The following ARHGEF9 variants were observed in gnomAD, a reference collection of about 807,000 sequenced individuals.
The protein encoded by ARHGEF9 is Cdc42 guanine nucleotide exchange factor 9, also known as rho guanine nucleotide exchange factor 9.
A neutral mutation model predicts 41.3 loss-of-function variants in ARHGEF9; 2 were observed. The observed-to-expected ratio is 0.05, with a 90% CI of 0.02 to 0.15. The LOEUF is 0.15. Among genes scored for constraint, ARHGEF9 ranks in the 10% least tolerant of loss-of-function variants. The pLI is 1.00. For missense variants in ARHGEF9, 225 were observed against 424.7 expected (o/e 0.53, Z 4.13); for synonymous variants, 160 against 154.4 (o/e 1.04, Z -0.27).
chrX:63,705,763 C>T (rs1292559859), intron 3 of ARHGEF9, among the ~76,000 whole-genome samples: 1 of 111,529 alleles, frequency 9.0e-6, no homozygotes, highest in Admixed American at 9.5e-5. Flanking sequence ...CCTAAAAATG[C>T]TCATGCCTTA....
chrX:63,666,360 CATAT>C (rs1451544184), intron 6 of ARHGEF9, among the ~76,000 whole-genome samples: 2 of 103,463 alleles, frequency 1.9e-5, no homozygotes, highest in African/African-American at 7.1e-5. Context: ...TACATACACA[CATAT>C]ATATGTGTGT....
intron 1 of ARHGEF9, among the ~76,000 whole-genome samples, chrX:63,733,066 A>T (rs1394752385): frequency 8.9e-6 from 1 of 112,116 alleles, no homozygotes. Flanking sequence ...CCAGAGTGTT[A>T]TTCTTCAAAT....
At chrX:63,646,143 G>T (rs1266973706) in intron 8 of ARHGEF9, among the ~76,000 whole-genome samples, 2 of 111,510 alleles carry the variant, frequency 1.8e-5, no homozygotes, top group African/African-American at 6.5e-5. Context: ...TTTGTCAGAT[G>T]AGTAGATTGC....
intron 1 of ARHGEF9, among the ~76,000 whole-genome samples, chrX:63,745,920 C>T (rs782791904): frequency 5.4e-5 from 6 of 112,121 alleles, no homozygotes; most frequent in Admixed American, 9.4e-5. Context: ...ATACCTGTCC[C>T]ATGCCCATTT....
In ARHGEF9 at chrX:63,637,590, A is replaced by G. The variant is rs1320064176; in HGVS notation, c.*438T>C. 1 of 225,408 alleles carries G rather than the reference A, an allele frequency of 4.4e-6. No homozygotes were observed. The highest frequency in any genetic ancestry group is 7.9e-6 in the Non-Finnish European group (1 of 125,815). 18.6% of individuals were successfully genotyped at this position (225,408 alleles called of 1,213,427 possible). A position where few individuals can be genotyped will look rare whatever the true frequency, so the allele number is the denominator to read the frequency against. On this transcript the variant is annotated 3_prime_UTR_variant, in exon 10 of 10. Coordinates refer to ENST00000671741, the MANE Select transcript of ARHGEF9 (RefSeq NM_001353921.2). ...ATTCATCAACATCAGTATCATCAGA[A>G]AAAAAACAATACAAACACATCTATC... is the stretch of plus-strand genomic sequence containing the variant.
chrX:63,773,393 T>G (rs2056235653), intron 1 of ARHGEF9, among the ~76,000 whole-genome samples: 1 of 111,625 alleles, frequency 9.0e-6, no homozygotes, highest in Non-Finnish European at 1.9e-5. Flanking sequence ...TTCTAAGGTA[T>G]AAATTCAGGG....
intron 8 of ARHGEF9, among the ~76,000 whole-genome samples, chrX:63,654,522 C>A (rs1223887408): frequency 8.9e-6 from 1 of 111,949 alleles, no homozygotes; most frequent in African/African-American, 3.2e-5. Flanking sequence ...AATTTGCACT[C>A]TACCCAAGTT....
At chrX:63,706,166 C>T in intron 3 of ARHGEF9, 92 bp downstream of exon 3, 1 of 992,408 alleles carries the variant, frequency 1.0e-6, no homozygotes, top group Non-Finnish European at 1.4e-6. Flanking sequence ...AGGCTATGTG[C>T]CCTTTCCAAC....
chrX:63,713,934 A>G (rs1487354632), intron 2 of ARHGEF9, among the ~76,000 whole-genome samples: 3 of 111,976 alleles, frequency 2.7e-5, no homozygotes, highest in Admixed American at 9.4e-5. Context: ...AAGTATCATA[A>G]TAAGAAGGCT....
At chrX:63,759,221 G>A (rs2055990105) in intron 1 of ARHGEF9, among the ~76,000 whole-genome samples, 1 of 111,444 alleles carries the variant, frequency 9.0e-6, no homozygotes, top group Non-Finnish European at 1.9e-5. Context: ...CCCTGTCCAT[G>A]TGTGGGTAGC....
chrX:63,725,255 C>T (rs1410279920), intron 1 of ARHGEF9, among the ~76,000 whole-genome samples: 1 of 111,054 alleles, frequency 9.0e-6, no homozygotes, highest in East Asian at 2.8e-4. Context: ...CTGCAGCCTC[C>T]TCCTCTCACT....
At chrX:63,765,273 T>TG (rs1265501756) in intron 1 of ARHGEF9, among the ~76,000 whole-genome samples, 3 of 110,761 alleles carry the variant, frequency 2.7e-5, no homozygotes, top group African/African-American at 9.9e-5. Flanking sequence ...TAGGAGATGC[T>TG]GGGGCTCAGT....
At chrX:63,712,826 T>A (rs1301457339) in intron 2 of ARHGEF9, 1 of 111,738 alleles carries the variant, frequency 8.9e-6, no homozygotes, top group Non-Finnish European at 1.9e-5. Flanking sequence ...GAGGAAACCA[T>A]GGTTATGGAT....
intron 2 of ARHGEF9, among the ~76,000 whole-genome samples, chrX:63,711,375 T>C (rs1479047621): frequency 9.0e-6 from 1 of 111,544 alleles, no homozygotes; most frequent in Non-Finnish European, 1.9e-5. Context: ...AGAATAAAGT[T>C]GGAGGACTCA....
chrX:63,770,922 C>T (rs1306995000), intron 1 of ARHGEF9, among the ~76,000 whole-genome samples: 2 of 112,456 alleles, frequency 1.8e-5, no homozygotes, highest in Non-Finnish European at 3.8e-5. Flanking sequence ...CTTTCTTTTG[C>T]AAATTGCCCA....
intron 7 of ARHGEF9, among the ~76,000 whole-genome samples, chrX:63,660,792 C>A (rs1192650362): frequency 8.9e-6 from 1 of 112,266 alleles, no homozygotes; most frequent in Non-Finnish European, 1.9e-5. Context: ...TCTCATTTAA[C>A]CCTCACAACT....
At chrX:63,661,469 C>T (rs2049214870) in intron 7 of ARHGEF9, among the ~76,000 whole-genome samples, 1 of 111,651 alleles carries the variant, frequency 9.0e-6, no homozygotes, top group Non-Finnish European at 1.9e-5. Context: ...CTCAAAGCAT[C>T]AAAATAATTT....
At chrX:63,731,211 G>A (rs1250881658) in intron 1 of ARHGEF9, among the ~76,000 whole-genome samples, 6 of 111,821 alleles carry the variant, frequency 5.4e-5, no homozygotes, top group Admixed American at 9.5e-5. Flanking sequence ...GTGTCTGCCC[G>A]TATCCTCTCA....
rs1459101293 is a variant in ARHGEF9 at position 63,636,630 on chromosome X, C to T, written c.*1398G>A. ...CAAAAATCCTCCTGTGCTAGGATGG[C>T]AGGAGAAAGAAGAAAGAGAGAGGGA... is the stretch of plus-strand genomic sequence containing the variant. On this transcript the variant is annotated 3_prime_UTR_variant, in exon 10 of 10. Coordinates refer to ENST00000671741, the MANE Select transcript of ARHGEF9 (RefSeq NM_001353921.2). 3.5e-5 allele frequency: 9 copies of T among 260,035 alleles called. No homozygotes were observed. In the Admixed American group the frequency reaches 6.0e-4, roughly 17 times the overall value. The allele number at this position is 260,035 out of a possible 1,213,427, so 21.4% of individuals were successfully genotyped here.
Sources: allele counts gnomAD v4.1 joint callset (sites outside exome capture counted in the v4.1 genomes callset), GRCh38; gene constraint gnomAD v4.1.1; transcripts MANE v1.5; gene names NCBI Gene and HGNC (gene_info 2026-07-23, HGNC 2026-07-21).